Variants in GRID2 observed in about 807,000 individuals in gnomAD.
GRID2 encodes glutamate receptor ionotropic, delta-2.
GRID2 carries 33 observed loss-of-function variants against 114.8 expected under a neutral mutation model. The observed-to-expected ratio is 0.29, with a 90% CI of 0.22 to 0.38. The LOEUF is 0.38. Ranked by LOEUF, GRID2 falls within the 10% of genes least tolerant of loss-of-function variation. The pLI, the probability that GRID2 is intolerant of heterozygous loss-of-function variation, is 1.00. For missense variants in GRID2, 1,184 were observed against 1,257.7 expected (o/e 0.94, Z 0.89); for synonymous variants, 505 against 449.9 (o/e 1.12, Z -1.55).
intron 1 of GRID2, among the ~76,000 whole-genome samples, chr4:92,453,162 G>C (rs1721031772): frequency 6.6e-6 from 1 of 151,956 alleles, no homozygotes; most frequent in African/African-American, 2.4e-5. Context: ...GAAAGAAGAA[G>C]GAGAGGGAAA....
intron 8 of GRID2, among the ~76,000 whole-genome samples, chr4:93,288,993 T>C (rs1753463915): frequency 6.6e-6 from 1 of 152,362 alleles, no homozygotes; most frequent in African/African-American, 2.4e-5. Flanking sequence ...GTATTTGTTT[T>C]ATTAAGTGTG....
chr4:92,439,657 G>C (rs1293445131), intron 1 of GRID2, among the ~76,000 whole-genome samples: 1 of 145,328 alleles, frequency 6.9e-6, no homozygotes, highest in Non-Finnish European at 1.6e-5. Context: ...TGATGGCCTG[G>C]ATACGGTTTT....
chr4:92,691,661 A>C (rs142517559), intron 2 of GRID2, among the ~76,000 whole-genome samples: 1 of 152,352 alleles, frequency 6.6e-6, no homozygotes, highest in African/African-American at 2.4e-5. Flanking sequence ...CCAAAATCTT[A>C]CTTTAATAAT....
chr4:93,303,929 G>A (rs1755140773), intron 8 of GRID2, among the ~76,000 whole-genome samples: 1 of 151,856 alleles, frequency 6.6e-6, no homozygotes, highest in African/African-American at 2.4e-5. Flanking sequence ...AATTTTATCT[G>A]AGGATTTTAA....
chr4:93,703,652 C>T (rs577097658), intron 14 of GRID2, among the ~76,000 whole-genome samples: 5 of 118,792 alleles, frequency 4.2e-5, no homozygotes, highest in East Asian at 3.1e-4. Flanking sequence ...CCCCTCCCCC[C>T]ACCCCACAAC....
At chr4:93,037,116 TCAG>T (rs1725003226) in intron 2 of GRID2, among the ~76,000 whole-genome samples, 1 of 152,142 alleles carries the variant, frequency 6.6e-6, no homozygotes, top group African/African-American at 2.4e-5. Context: ...ACTTCGAAGA[TCAG>T]CACATTTTTG....
intron 13 of GRID2, among the ~76,000 whole-genome samples, chr4:93,562,308 A>G (rs1246178741): frequency 1.3e-5 from 2 of 151,878 alleles, no homozygotes; most frequent in Non-Finnish European, 2.9e-5. Flanking sequence ...TAATAATAAG[A>G]TGTCATATGC....
intron 2 of GRID2, among the ~76,000 whole-genome samples, chr4:92,997,252 G>T (rs1280712892): frequency 6.6e-6 from 1 of 152,138 alleles, no homozygotes. Context: ...TTATCCTTGA[G>T]TGAAAGGAGT....
chr4:92,529,977 G>A (rs1016958001), intron 1 of GRID2, among the ~76,000 whole-genome samples: 2 of 151,970 alleles, frequency 1.3e-5, no homozygotes, highest in Admixed American at 1.3e-4. Flanking sequence ...TATACTTTGA[G>A]TTGGCAACTG....
At chr4:92,458,504 T>C (rs1034137165) in intron 1 of GRID2, among the ~76,000 whole-genome samples, 6 of 152,144 alleles carry the variant, frequency 3.9e-5, no homozygotes, top group Non-Finnish European at 8.8e-5. Context: ...AGGGGTGGCC[T>C]AGGGTGCCAG....
chr4:93,360,486 G>A (rs1405224301), intron 8 of GRID2, among the ~76,000 whole-genome samples: 1 of 151,872 alleles, frequency 6.6e-6, no homozygotes, highest in East Asian at 1.9e-4. Flanking sequence ...TTCTAAATAT[G>A]TGAGATATCC....
At chr4:92,676,823 T>C (rs959652757) in intron 2 of GRID2, among the ~76,000 whole-genome samples, 8 of 152,174 alleles carry the variant, frequency 5.3e-5, no homozygotes, top group Admixed American at 2.0e-4. Flanking sequence ...CTTATACACC[T>C]GTGTTCAGAG....
chr4:92,945,889 T>A lies in GRID2; in HGVS notation c.245-139106T>A, dbSNP rs184939980. Among the ~76,000 whole-genome samples the A allele has an allele frequency of 5.2e-3, 792 of 152,268 alleles. 7 individuals are homozygous for A. The highest frequency in any genetic ancestry group is 0.018 in the African/African-American group (757 of 41,570). ...ATTTTAGGAAAGATCTATGCCCCCTTAACTTCAGTCCTCTTCATAAATATT... is the reference window on the plus strand; with the variant it reads ...ATTTTAGGAAAGATCTATGCCCCCTAAACTTCAGTCCTCTTCATAAATATT... On this transcript the variant is annotated intron_variant, in intron 2 of 15. Transcript: ENST00000282020.
intron 8 of GRID2, among the ~76,000 whole-genome samples, chr4:93,316,320 GA>G (rs1553907419): frequency 7.7e-4 from 72 of 93,188 alleles, no homozygotes; most frequent in East Asian, 2.7e-3. Context: ...AAGAAAGAAA[GA>G]AAGAAAGAAA....
chr4:92,513,614 T>G (rs894969078), intron 1 of GRID2, among the ~76,000 whole-genome samples: 1 of 151,878 alleles, frequency 6.6e-6, no homozygotes, highest in African/African-American at 2.4e-5. Context: ...CTTATTATCA[T>G]TGTAACTTTA....
chr4:92,818,007 AC>A (rs1268289349), intron 2 of GRID2, among the ~76,000 whole-genome samples: 1 of 152,104 alleles, frequency 6.6e-6, no homozygotes, highest in African/African-American at 2.4e-5. Context: ...TGCAAAACTG[AC>A]CTCAATCATA....
intron 2 of GRID2, among the ~76,000 whole-genome samples, chr4:92,921,301 C>G (rs982645572): frequency 6.6e-6 from 1 of 152,058 alleles, no homozygotes; most frequent in Admixed American, 6.6e-5. Context: ...CGAACTTCCT[C>G]CTTTAGTGCA....
chr4:92,610,220 G>C (rs982327740), intron 2 of GRID2, among the ~76,000 whole-genome samples: 5 of 151,514 alleles, frequency 3.3e-5, no homozygotes, highest in Non-Finnish European at 5.9e-5. Flanking sequence ...TACGTTGCTG[G>C]GACCCAGGTT....
intron 8 of GRID2, among the ~76,000 whole-genome samples, chr4:93,322,831 G>A (rs1047116087): frequency 1.3e-5 from 2 of 152,102 alleles, no homozygotes; most frequent in Non-Finnish European, 1.5e-5. Flanking sequence ...TTTTTTGGCT[G>A]CATAAATGTC....
Sources: gnomAD v4.1 joint callset for allele counts (sites outside exome capture counted in the v4.1 genomes callset) on GRCh38, gnomAD v4.1.1 for gene constraint, MANE v1.5 for transcripts, NCBI Gene and HGNC (gene_info 2026-07-23, HGNC 2026-07-21) for gene names.